Variants in NRXN3 observed in about 807,000 individuals in gnomAD.
NRXN3 encodes the protein neurexin III.
A neutral mutation model predicts 137.6 loss-of-function variants in NRXN3; 32 were observed. The observed-to-expected ratio is 0.23, with a 90% CI of 0.18 to 0.31. The LOEUF (loss-of-function observed/expected upper bound fraction) is 0.31. Ranked by LOEUF, NRXN3 falls within the 10% of genes least tolerant of loss-of-function variation. The probability of loss-of-function intolerance (pLI) is 1.00; values close to 1 mark genes in which losing one functional copy is unlikely to be tolerated. For synonymous variants in NRXN3, 798 were observed against 784.5 expected (o/e 1.02, Z -0.29); for missense variants, 1,574 against 2,062.5 (o/e 0.76, Z 4.59).
chr14:79,280,731 C>T lies in NRXN3; in HGVS notation c.3263-186490C>T, dbSNP rs545942147. On this transcript the variant is annotated intron_variant, in intron 15 of 20. Transcript: ENST00000335750. ...GTTAGTGTTTTCTGCCCCTAGCCTC[C>T]GACAACCATCTCCACTTTTCTCTAA... 5.0e-6 allele frequency: 3 copies of T among 596,364 alleles called. No individual in the cohort carries two copies. In the South Asian group the frequency reaches 6.1e-5, roughly 12 times the overall value. 36.9% of individuals were successfully genotyped at this position (596,364 alleles called of 1,614,324 possible).
rs2365678 is a variant in NRXN3 at position 78,227,156 on chromosome 14, G to A, written c.-703-15235G>A. Among the ~76,000 whole-genome samples, 42 of 151,988 alleles carry A rather than the reference G, an allele frequency of 2.8e-4. No homozygotes were observed. In the South Asian group the frequency reaches 8.7e-3, roughly 32 times the overall value. On this transcript the variant is annotated intron_variant, in intron 1 of 20. Transcript: ENST00000335750. Reference sequence around the variant, plus strand: ...GTGAACACGTGTAGGGAAGATTCATGTATTTTGCCACCTTATCTAACATAT... The same window carrying A: ...GTGAACACGTGTAGGGAAGATTCATATATTTTGCCACCTTATCTAACATAT...
intron 20 of NRXN3, among the ~76,000 whole-genome samples, chr14:79,824,074 C>T (rs1208401887): frequency 6.6e-6 from 1 of 152,180 alleles, no homozygotes; most frequent in African/African-American, 2.4e-5. Context: ...TCCTTTAACC[C>T]CAGCTTCAGG....
intron 15 of NRXN3, among the ~76,000 whole-genome samples, chr14:79,134,790 C>G (rs116687377): frequency 1.6e-3 from 246 of 152,258 alleles, no homozygotes; most frequent in African/African-American, 5.7e-3. Context: ...TTCAAGTTGT[C>G]CATTAGCAGA....
At chr14:78,379,031 A>G (rs1175446109) in intron 4 of NRXN3, among the ~76,000 whole-genome samples, 1 of 57,274 alleles carries the variant, frequency 1.7e-5, no homozygotes, top group East Asian at 4.9e-4. Flanking sequence ...GAAGAAACAG[A>G]TCACATTCTG....
chr14:78,200,871 G>A (rs928273482), intron 1 of NRXN3, among the ~76,000 whole-genome samples: 2 of 152,232 alleles, frequency 1.3e-5, no homozygotes, highest in African/African-American at 2.4e-5. Context: ...CAGGCACTTC[G>A]TTAAGGTGGT....
intron 10 of NRXN3, among the ~76,000 whole-genome samples, chr14:78,831,542 A>T (rs1432753061): frequency 6.7e-6 from 1 of 150,170 alleles, no homozygotes; most frequent in Non-Finnish European, 1.5e-5. Context: ...GTCAAAAAAA[A>T]AAAAAAAAAA....
At chr14:78,895,646 C>G (rs1425712654) in intron 10 of NRXN3, among the ~76,000 whole-genome samples, 1 of 151,910 alleles carries the variant, frequency 6.6e-6, no homozygotes, top group East Asian at 1.9e-4. Flanking sequence ...CACAAGAAGC[C>G]TAGATCTCAG....
intron 16 of NRXN3, among the ~76,000 whole-genome samples, chr14:79,472,549 T>C (rs1332365226): frequency 1.3e-5 from 2 of 152,214 alleles, no homozygotes; most frequent in Non-Finnish European, 2.9e-5. Flanking sequence ...GGCAAAGAGA[T>C]CTTTATTGAA....
At chr14:78,509,368 A>G (rs1430172768) in intron 4 of NRXN3, among the ~76,000 whole-genome samples, 3 of 152,184 alleles carry the variant, frequency 2.0e-5, no homozygotes, top group South Asian at 2.1e-4. Context: ...GTGAGAATCA[A>G]TTGTGTTATA....
chr14:79,751,161 C>T (rs1237305966), intron 19 of NRXN3, among the ~76,000 whole-genome samples: 1 of 152,052 alleles, frequency 6.6e-6, no homozygotes, highest in Non-Finnish European at 1.5e-5. Context: ...TTACCTTGGG[C>T]AGTGTGGCCA....
At chr14:78,578,890 T>A (rs2096963560) in intron 4 of NRXN3, among the ~76,000 whole-genome samples, 1 of 152,032 alleles carries the variant, frequency 6.6e-6, no homozygotes, top group Admixed American at 6.6e-5. Flanking sequence ...CTACAGGCTC[T>A]TTTTTCCTAG....
chr14:78,625,181 A>G (rs905988014), intron 4 of NRXN3, among the ~76,000 whole-genome samples: 1 of 152,196 alleles, frequency 6.6e-6, no homozygotes, highest in Non-Finnish European at 1.5e-5. Flanking sequence ...GACTAGGGAC[A>G]TCTCCAAGTT....
intron 4 of NRXN3, among the ~76,000 whole-genome samples, chr14:78,609,825 G>T (rs1025714654): frequency 1.3e-5 from 2 of 152,128 alleles, no homozygotes; most frequent in Non-Finnish European, 2.9e-5. Context: ...GTACTAATGG[G>T]GCTTGGGCTG....
intron 4 of NRXN3, among the ~76,000 whole-genome samples, chr14:78,352,679 G>C (rs1320137580): frequency 6.6e-6 from 1 of 152,186 alleles, no homozygotes; most frequent in Non-Finnish European, 1.5e-5. Flanking sequence ...TTTGAGATAA[G>C]AGAGATTTGT....
chr14:78,923,010 C>G (rs1440258748), intron 10 of NRXN3, among the ~76,000 whole-genome samples: 1 of 152,182 alleles, frequency 6.6e-6, no homozygotes, highest in Non-Finnish European at 1.5e-5. Flanking sequence ...TTATTCCAGT[C>G]TGCTTCATTT....
intron 4 of NRXN3, among the ~76,000 whole-genome samples, chr14:78,365,385 C>G (rs1418278646): frequency 6.6e-6 from 1 of 152,152 alleles, no homozygotes; most frequent in Non-Finnish European, 1.5e-5. Flanking sequence ...CAGAGTAAGG[C>G]TTTACTCCAT....
At chr14:79,328,912 G>A (rs1157716115) in intron 15 of NRXN3, among the ~76,000 whole-genome samples, 1 of 152,128 alleles carries the variant, frequency 6.6e-6, no homozygotes, top group Admixed American at 6.5e-5. Flanking sequence ...AGTAAGAAAA[G>A]ACTGAAAAGA....
intron 16 of NRXN3, among the ~76,000 whole-genome samples, chr14:79,568,415 T>G (rs1166554225): frequency 2.0e-5 from 3 of 152,316 alleles, no homozygotes; most frequent in East Asian, 1.9e-4. Context: ...TGCTTAGAAC[T>G]TTCAATGAAT....
At chr14:78,868,790 C>T (rs1252406916) in intron 10 of NRXN3, among the ~76,000 whole-genome samples, 1 of 151,666 alleles carries the variant, frequency 6.6e-6, no homozygotes, top group Non-Finnish European at 1.5e-5. Context: ...CATTGCACTC[C>T]AGCCAGGGCA....
Sources: allele counts gnomAD v4.1 joint callset (sites outside exome capture counted in the v4.1 genomes callset), GRCh38; gene constraint gnomAD v4.1.1; transcripts MANE v1.5; gene names NCBI Gene and HGNC (gene_info 2026-07-23, HGNC 2026-07-21).